Variants in CDHR1 observed in about 807,000 individuals in gnomAD.
CDHR1 encodes cadherin-related family member 1.
A neutral mutation model predicts 72.1 loss-of-function variants in CDHR1; 61 were observed. That is an observed-to-expected ratio of 0.85 (90% CI 0.69 to 1.05). CDHR1 has a LOEUF of 1.05. Ranked by LOEUF, CDHR1 falls within the 50% of genes least tolerant of loss-of-function variation. The pLI, the probability that CDHR1 is intolerant of heterozygous loss-of-function variation, is 0.00. For missense variants in CDHR1, 1,186 were observed against 1,115.7 expected, an observed-to-expected ratio of 1.06 and a Z score of -0.90; for synonymous variants, 470 against 448.1, an observed-to-expected ratio of 1.05 and a Z score of -0.62.
intron 6 of CDHR1, among the ~76,000 whole-genome samples, chr10:84,201,184 T>G (rs559438754): frequency 1.3e-5 from 2 of 152,194 alleles, no homozygotes; most frequent in Non-Finnish European, 2.9e-5. Flanking sequence ...ATGTATCACA[T>G]GGGAGTGATA....
intron 12 of CDHR1, among the ~76,000 whole-genome samples, chr10:84,209,415 C>T (rs1482254758): frequency 1.3e-5 from 2 of 152,074 alleles, no homozygotes; most frequent in Admixed American, 1.3e-4. Context: ...CTCCTATAGC[C>T]TGCATCATGC....
chr10:84,211,084 T>C lies in CDHR1; in HGVS notation c.1404T>C (p.Asn468=). Residue 468 remains asparagine, a synonymous_variant, in exon 13 of 17, where the codon AAT becomes AAC. Coordinates refer to ENST00000623527, the MANE Select transcript of CDHR1 (RefSeq NM_033100.4). ...VVIQLLDTND[N]VPKFDSLYYV... is the part of the protein sequence containing the mutation. ...TCCAGCTCCTGGACACCAATGACAA[T>C]GTCCCCAAGTTCGACTCCCTCTACT... 6.2e-7 allele frequency: 1 copy of C among 1,614,246 alleles called. No homozygotes were observed. The highest frequency in any genetic ancestry group is 8.5e-7 in the Non-Finnish European group (1 of 1,180,048).
intron 1 of CDHR1, among the ~76,000 whole-genome samples, 174 bp downstream of exon 1, chr10:84,194,989 G>C (rs190655209): frequency 2.2e-4 from 33 of 152,336 alleles, no homozygotes; most frequent in Admixed American, 5.2e-4. Context: ...AGTGGGGAGT[G>C]GGGTAGCGGA....
At chr10:84,213,388 G>A in intron 16 of CDHR1, 40 bp downstream of exon 16, 1 of 1,613,634 alleles carries the variant, frequency 6.2e-7, no homozygotes, top group Non-Finnish European at 8.5e-7. Context: ...GGGTCAGCAG[G>A]CCAGCTCAGA....
At chr10:84,208,632 C>A in intron 11 of CDHR1, 97 bp from the exon 12 acceptor site, 1 of 1,284,634 alleles carries the variant, frequency 7.8e-7, no homozygotes, top group Non-Finnish European at 1.1e-6. Context: ...TTAATAATAT[C>A]TCCCAGGGTT....
Position 84,217,670 on chromosome 10 carries a change from T to C in CDHR1, c.*3049T>C. On this transcript the variant is annotated 3_prime_UTR_variant, in exon 17 of 17. Transcript: ENST00000623527. ...CTGTGGCCCACATACTAGAACACCA[T>C]GTCCTGAAAGAGAGGACCCCCTCCA... 5.1e-6 allele frequency: 5 copies of C among 985,504 alleles called. No individual in the cohort carries two copies. Among genetic ancestry groups the C allele is most frequent in the Non-Finnish European group, 6.0e-6 (5 of 829,996 alleles). The allele number at this position is 985,504 out of a possible 1,614,324, so 61.0% of individuals were successfully genotyped here.
rs1250877654 is a variant in CDHR1, at chr10:84,214,177, C to G, written c.2136C>G (p.Val712=). The G allele has an allele frequency of 6.2e-7, 1 of 1,614,130 alleles. No homozygotes were observed. ...VGVLAGTMAT[V]VAITVLISTA... ...TGCTGGCCGGCACCATGGCCACCGT[C>G]GTGGCCATCACTGTCCTCATCTCCA... Residue 712 remains valine, a synonymous_variant, in exon 17 of 17, where the codon GTC becomes GTG. Coordinates refer to ENST00000623527, the MANE Select transcript of CDHR1 (RefSeq NM_033100.4).
intron 3 of CDHR1, among the ~76,000 whole-genome samples, chr10:84,196,893 C>T (rs1262409979): frequency 6.6e-6 from 1 of 152,216 alleles, no homozygotes; most frequent in Non-Finnish European, 1.5e-5. Context: ...CACCTGCCAG[C>T]CCTGCTAATC....
chr10:84,201,775 G>A (rs1459189508), intron 6 of CDHR1, 32 bp from the exon 7 acceptor site: 1 of 1,570,548 alleles, frequency 6.4e-7, no homozygotes, highest in South Asian at 1.1e-5. Flanking sequence ...CTGCATTCTT[G>A]CTGAGGTCCA....
At chr10:84,195,637 A>T in intron 2 of CDHR1, 48 bp downstream of exon 2, 2 of 1,515,072 alleles carry the variant, frequency 1.3e-6, no homozygotes, top group Non-Finnish European at 1.8e-6. Flanking sequence ...TGAGGGGTGC[A>T]GGCAGACTTA....
chr10:84,207,229 C>T (rs768086207), intron 10 of CDHR1, among the ~76,000 whole-genome samples: 97 of 151,786 alleles, frequency 6.4e-4, no homozygotes, highest in Admixed American at 9.2e-4. Context: ...AGCACAGCTG[C>T]GGGAGCTGTG....
rs1462107605 is a variant in CDHR1 at position 84,216,596 on chromosome 10, A to G, written c.*1975A>G. The G allele has an allele frequency of 1.0e-5, 10 of 985,370 alleles. No individual in the cohort carries two copies. The highest frequency in any genetic ancestry group is 1.2e-5 in the Non-Finnish European group (10 of 829,954). 61.0% of individuals were successfully genotyped at this position (985,370 alleles called of 1,614,324 possible). A position where few individuals can be genotyped will look rare whatever the true frequency, so the allele number is the denominator to read the frequency against. On this transcript the variant is annotated 3_prime_UTR_variant, in exon 17 of 17. Transcript: ENST00000623527. ...GTGGAGACCAGTCTTTCTGACACAC[A>G]GTGAAGCTCAACTTGCCTCCTGGCT...
Position 84,215,854 on chromosome 10 carries a change from C to T in CDHR1, c.*1233C>T. 1.0e-6 allele frequency: 1 copy of T among 985,530 alleles called. No individual in the cohort carries two copies. The highest frequency in any genetic ancestry group is 1.2e-6 in the Non-Finnish European group (1 of 830,028). The allele number at this position is 985,530 out of a possible 1,614,324, so 61.0% of individuals were successfully genotyped here. Reference sequence around the variant, plus strand: ...CACACACCTCTACTTCTGTTCTTCCCTCACTCCATCCCCGCTACCGTCCTG... The same window carrying T: ...CACACACCTCTACTTCTGTTCTTCCTTCACTCCATCCCCGCTACCGTCCTG... On this transcript the variant is annotated 3_prime_UTR_variant, in exon 17 of 17. Transcript: ENST00000623527.
chr10:84,215,369 A>G lies in CDHR1; in HGVS notation c.*748A>G. ...GCCGCAAAATGTCAAAGCTGGAGCT[A>G]TAGAGGTAGCCCTAAAGGCAACTAG... On this transcript the variant is annotated 3_prime_UTR_variant, in exon 17 of 17. Coordinates refer to ENST00000623527, the MANE Select transcript of CDHR1 (RefSeq NM_033100.4). 2 of 985,798 alleles carry G rather than the reference A, an allele frequency of 2.0e-6. No homozygotes were observed. Among genetic ancestry groups the G allele is most frequent in the South Asian group, 4.7e-5 (1 of 21,296 alleles). The allele number at this position is 985,798 out of a possible 1,614,324, so 61.1% of individuals were successfully genotyped here.
intron 12 of CDHR1, among the ~76,000 whole-genome samples, chr10:84,209,812 C>G (rs1293362040): frequency 1.3e-5 from 2 of 152,058 alleles, no homozygotes. Flanking sequence ...GTAGGAATTA[C>G]CATAAGAAAT....
intron 10 of CDHR1, among the ~76,000 whole-genome samples, chr10:84,207,644 C>T (rs529239434): frequency 9.9e-5 from 15 of 152,260 alleles, no homozygotes; most frequent in African/African-American, 3.6e-4. Flanking sequence ...TAACTAATTA[C>T]CCCAAACTTA....
chr10:84,212,982 A>T, intron 15 of CDHR1, 109 bp from the exon 16 acceptor site: 1 of 1,374,530 alleles, frequency 7.3e-7, no homozygotes, highest in South Asian at 1.2e-5. Context: ...AAATAGGATC[A>T]GGACCATTTC....
rs1842434220 is a variant in CDHR1 at position 84,216,897 on chromosome 10, G to A, written c.*2276G>A. On this transcript the variant is annotated 3_prime_UTR_variant, in exon 17 of 17. Transcript: ENST00000623527. Reference sequence around the variant, plus strand: ...TAGGGTGGGCATGAAAGCTTGGGAAGCACTGTCGTCTCTCAGACAGGCGTC... The same window carrying A: ...TAGGGTGGGCATGAAAGCTTGGGAAACACTGTCGTCTCTCAGACAGGCGTC... 1.0e-6 allele frequency: 1 copy of A among 985,506 alleles called. No homozygotes were observed. The highest frequency in any genetic ancestry group is 1.2e-6 in the Non-Finnish European group (1 of 829,960). 61.0% of individuals were successfully genotyped at this position (985,506 alleles called of 1,614,324 possible).
chr10:84,212,044 C>A (rs558177479), intron 14 of CDHR1, 135 bp from the exon 15 acceptor site: 2 of 778,584 alleles, frequency 2.6e-6, no homozygotes, highest in East Asian at 2.6e-5. Context: ...TAGGAGGGAG[C>A]AGGTAGGACA....
Sources: allele counts gnomAD v4.1 joint callset (sites outside exome capture counted in the v4.1 genomes callset), GRCh38; gene constraint gnomAD v4.1.1; transcripts MANE v1.5; gene names NCBI Gene and HGNC (gene_info 2026-07-23, HGNC 2026-07-21).